ITPR2: variants seen among roughly 807,000 people sequenced by gnomAD.
ITPR2 encodes the protein inositol 1,4,5-trisphosphate-gated calcium channel ITPR2.
ITPR2 carries 207 observed loss-of-function variants against 317.1 expected under a neutral mutation model. The observed-to-expected ratio is 0.65, with a 90% CI of 0.58 to 0.73. The LOEUF (loss-of-function observed/expected upper bound fraction) is 0.73, where lower values mean the gene tolerates loss of function less well. ITPR2 is among the 30% of genes least tolerant of loss of function. ITPR2 has a pLI of 0.00. For missense variants in ITPR2, 2,613 were observed against 3,284.0 expected (o/e 0.80, Z 4.99); for synonymous variants, 1,156 against 1,149.1 (o/e 1.01, Z -0.12).
intron 13 of ITPR2, among the ~76,000 whole-genome samples, chr12:26,681,149 C>T (rs1351135287): frequency 6.6e-6 from 1 of 152,220 alleles, no homozygotes; most frequent in African/African-American, 2.4e-5. Flanking sequence ...TTAAACCATA[C>T]ATGACTGAAT....
intron 37 of ITPR2, among the ~76,000 whole-genome samples, chr12:26,541,274 G>A (rs370559769): frequency 1.3e-5 from 2 of 151,836 alleles, no homozygotes; most frequent in East Asian, 1.9e-4. Context: ...CTGAGATCAC[G>A]CCATTGCACT....
At chr12:26,416,129 T>G (rs1451741639) in intron 50 of ITPR2, among the ~76,000 whole-genome samples, 1 of 152,156 alleles carries the variant, frequency 6.6e-6, no homozygotes, top group South Asian at 2.1e-4. Context: ...TATATACTTT[T>G]GGAAATGGAA....
intron 1 of ITPR2, among the ~76,000 whole-genome samples, chr12:26,817,398 A>G (rs971331913): frequency 6.6e-6 from 1 of 152,206 alleles, no homozygotes; most frequent in African/African-American, 2.4e-5. Flanking sequence ...AGTGGTGACT[A>G]TCTTAATTCA....
At chr12:26,504,323 C>A (rs1943138507) in intron 37 of ITPR2, among the ~76,000 whole-genome samples, 1 of 152,208 alleles carries the variant, frequency 6.6e-6, no homozygotes, top group Admixed American at 6.5e-5. Context: ...GGATGCCCCT[C>A]TAAGTCATTG....
chr12:26,685,975 G>A (rs1008205854), intron 11 of ITPR2, among the ~76,000 whole-genome samples: 3 of 152,032 alleles, frequency 2.0e-5, no homozygotes, highest in African/African-American at 2.4e-5. Flanking sequence ...AATATTTTAT[G>A]TCTATTGTTT....
chr12:26,381,114 C>T (rs1256623927), intron 55 of ITPR2, among the ~76,000 whole-genome samples: 3 of 152,154 alleles, frequency 2.0e-5, no homozygotes, highest in Non-Finnish European at 2.9e-5. Context: ...TGGAGAGACA[C>T]GATGAGAGAG....
chr12:26,543,716 C>T (rs1344606385), intron 37 of ITPR2, among the ~76,000 whole-genome samples: 1 of 152,154 alleles, frequency 6.6e-6, no homozygotes, highest in African/African-American at 2.4e-5. Context: ...TCGCAGTGAG[C>T]CAAGATAGCA....
chr12:26,653,990 T>C lies in ITPR2; in HGVS notation c.2726A>G (p.Lys909Arg). 1 of 1,610,364 alleles carries C rather than the reference T, an allele frequency of 6.2e-7. No homozygotes were observed. Among genetic ancestry groups the C allele is most frequent in the Non-Finnish European group, 8.5e-7 (1 of 1,177,574 alleles). The stretch of plus-strand genomic sequence containing the variant: ...AAAATTCTTACCTCCATCTTGAAAT[T>C]TGCTTAATCTTTCAAAGTATGATGA... Reference protein sequence around the residue: ...PMSSYFERLSKFQDGGNNVMR... With the variant: ...PMSSYFERLSRFQDGGNNVMR... Residue 909 changes from lysine (K) to arginine (R), a missense_variant, in exon 21 of 57, where the codon AAA becomes AGA. Lys to Arg is a conservative substitution (Grantham distance 26, BLOSUM62 2). Coordinates refer to ENST00000381340, the MANE Select transcript of ITPR2 (RefSeq NM_002223.4).
At position 26,381,261 on chromosome 12, in the gene ITPR2, A is replaced by G. The variant is rs1358695605; in HGVS notation, c.7857+6173T>C. On this transcript the variant is annotated intron_variant, in intron 55 of 56. Transcript: ENST00000381340. The stretch of plus-strand genomic sequence containing the variant: ...AGGGACAGATAGCATTTGACTAATG[A>G]GAAATTTGTGTTGCAATGTCTCACA... Among the ~76,000 whole-genome samples the G allele has an allele frequency of 5.9e-5, 9 of 152,246 alleles. No individual in the cohort carries two copies. The East Asian group carries it at 1.7e-3, about 29-fold the overall frequency.
chr12:26,671,750 C>A (rs1406268458), intron 13 of ITPR2, among the ~76,000 whole-genome samples: 1 of 152,156 alleles, frequency 6.6e-6, no homozygotes, highest in Non-Finnish European at 1.5e-5. Flanking sequence ...AAGACACAGA[C>A]TGGCAAATTG....
intron 13 of ITPR2, among the ~76,000 whole-genome samples, chr12:26,674,864 A>G (rs1239781768): frequency 6.6e-6 from 1 of 151,662 alleles, no homozygotes; most frequent in Non-Finnish European, 1.5e-5. Context: ...AAAACAAACA[A>G]CCCCATCAAA....
chr12:26,633,351 T>G (rs941119232), intron 21 of ITPR2, among the ~76,000 whole-genome samples: 1 of 152,220 alleles, frequency 6.6e-6, no homozygotes, highest in Non-Finnish European at 1.5e-5. Context: ...CATTATCTTA[T>G]CTGTATATGG....
chr12:26,764,883 A>G (rs996271686), intron 2 of ITPR2, among the ~76,000 whole-genome samples: 1 of 152,078 alleles, frequency 6.6e-6, no homozygotes, highest in Admixed American at 6.5e-5. Context: ...TTACTTAACC[A>G]TTCCTAAATT....
intron 1 of ITPR2, among the ~76,000 whole-genome samples, chr12:26,810,664 G>A (rs1950719624): frequency 6.6e-6 from 1 of 152,216 alleles, no homozygotes; most frequent in South Asian, 2.1e-4. Context: ...CAAAAAGGAT[G>A]TGATAGGAAC....
chr12:26,345,423 A>C (rs1370926072), intron 55 of ITPR2, among the ~76,000 whole-genome samples: 1 of 152,210 alleles, frequency 6.6e-6, no homozygotes, highest in East Asian at 1.9e-4. Flanking sequence ...TTTATAAATT[A>C]GGCACAGTAA....
In ITPR2 at chr12:26,444,419, T is replaced by C. The variant is rs76899786; in HGVS notation, c.6343-769A>G. Among the ~76,000 whole-genome samples the C allele has an allele frequency of 6.4e-3, 974 of 152,248 alleles. 16 individuals are homozygous for C. The highest frequency in any genetic ancestry group is 0.023 in the African/African-American group (938 of 41,556). On this transcript the variant is annotated intron_variant, in intron 45 of 56. Coordinates refer to ENST00000381340, the MANE Select transcript of ITPR2 (RefSeq NM_002223.4). ...ATATCTTATTAATGCTTAAATTCCC[T>C]GAGGGCTTCTACTAACAGAGACTCT...
chr12:26,611,409 C>T (rs1946263369), intron 26 of ITPR2, among the ~76,000 whole-genome samples: 1 of 151,908 alleles, frequency 6.6e-6, no homozygotes, highest in African/African-American at 2.4e-5. Context: ...TGAAAAAGAA[C>T]CAATTAAATA....
intron 48 of ITPR2, among the ~76,000 whole-genome samples, chr12:26,431,703 A>G (rs563663102): frequency 1.3e-5 from 2 of 152,286 alleles, no homozygotes; most frequent in East Asian, 3.9e-4. Flanking sequence ...ATTGTACCCC[A>G]CTACCTGGTT....
intron 2 of ITPR2, among the ~76,000 whole-genome samples, chr12:26,786,188 C>T (rs1323002335): frequency 2.8e-5 from 1 of 35,204 alleles, no homozygotes; most frequent in East Asian, 5.2e-4. Flanking sequence ...TGTGCTGTGT[C>T]CACTCAGGGT....
Sources: allele counts gnomAD v4.1 joint callset (sites outside exome capture counted in the v4.1 genomes callset), GRCh38; gene constraint gnomAD v4.1.1; transcripts MANE v1.5; gene names NCBI Gene and HGNC (gene_info 2026-07-23, HGNC 2026-07-21).